Variants in KCNIP1 observed in about 807,000 individuals in gnomAD.
KCNIP1 encodes A-type potassium channel modulatory protein KCNIP1.
KCNIP1 carries 18 observed loss-of-function variants against 33.0 expected under a neutral mutation model. That is an observed-to-expected ratio of 0.55 (90% CI 0.38 to 0.81). The LOEUF (loss-of-function observed/expected upper bound fraction) is 0.81, where lower values mean the gene tolerates loss of function less well. KCNIP1 is among the 30% of genes least tolerant of loss of function. KCNIP1 has a pLI of 0.00. For missense variants in KCNIP1, 238 were observed against 271.6 expected (o/e 0.88, Z 0.87); for synonymous variants, 93 against 98.3 (o/e 0.95, Z 0.32).
At position 170,504,035 on chromosome 5, in the gene KCNIP1, C is replaced by CGCTGGCA. The variant is rs1581249178; in HGVS notation, c.-535_-529dup. On this transcript the variant is annotated 5_prime_UTR_variant, in exon 1 of 8. Transcript: ENST00000328939. This position sits in a 1 kb window ranked among gnomAD's most constrained non-coding sequence, Gnocchi z 6.0. ...CCGCCGCTCCGACTCTCGCCCCGAG[C>CGCTGGCA]GCTGGCAGCAGGCAGCAGGCAGCAG... The CGCTGGCA allele has an allele frequency of 1.0e-6, 1 of 982,968 alleles. No individual in the cohort carries two copies. Among genetic ancestry groups the CGCTGGCA allele is most frequent in the East Asian group, 1.1e-4 (1 of 8,784 alleles). 60.9% of individuals were successfully genotyped at this position (982,968 alleles called of 1,614,324 possible). A position where few individuals can be genotyped will look rare whatever the true frequency, so the allele number is the denominator to read the frequency against.
At chr5:170,682,665 A>G (rs1762388900) in intron 1 of KCNIP1, among the ~76,000 whole-genome samples, 1 of 152,056 alleles carries the variant, frequency 6.6e-6, no homozygotes, top group Non-Finnish European at 1.5e-5. Context: ...ATACCAACTG[A>G]GCAGAGCCCC....
chr5:170,676,060 G>GGAAGATGAAAGAAGGAAGGGAT (rs1762122014), intron 1 of KCNIP1, among the ~76,000 whole-genome samples: 1 of 143,998 alleles, frequency 6.9e-6, no homozygotes, highest in East Asian at 2.1e-4. Flanking sequence ...AAAGGAGGGA[G>GGAAGATGAAAGAAGGAAGGGAT]GAAGATGAAA....
chr5:170,583,108 T>C (rs1757859719), intron 1 of KCNIP1, among the ~76,000 whole-genome samples: 2 of 152,194 alleles, frequency 1.3e-5, no homozygotes, highest in Non-Finnish European at 2.9e-5. Flanking sequence ...CAGGGCATGC[T>C]GGGAGGCCGT....
chr5:170,589,718 GTGTGA>G (rs200076934), intron 1 of KCNIP1, among the ~76,000 whole-genome samples: 91 of 108,308 alleles, frequency 8.4e-4, no homozygotes, highest in Middle Eastern at 4.7e-3. Flanking sequence ...GTTTGGTGTG[GTGTGA>G]TGTGGTGTGG....
chr5:170,585,269 C>T (rs1434561861), intron 1 of KCNIP1, among the ~76,000 whole-genome samples: 1 of 152,144 alleles, frequency 6.6e-6, no homozygotes, highest in Non-Finnish European at 1.5e-5. Flanking sequence ...AAGCTGAGAA[C>T]TCCCTCATTT....
chr5:170,519,086 A>G (rs1318128315), intron 1 of KCNIP1, among the ~76,000 whole-genome samples: 3 of 152,204 alleles, frequency 2.0e-5, no homozygotes, highest in Non-Finnish European at 4.4e-5. Context: ...TCGCACCAGC[A>G]TTATAAGGTT....
At chr5:170,661,535 C>T (rs900834319) in intron 1 of KCNIP1, among the ~76,000 whole-genome samples, 1 of 152,082 alleles carries the variant, frequency 6.6e-6, no homozygotes, top group Non-Finnish European at 1.5e-5. Flanking sequence ...CTTAAGACCA[C>T]AAGCAGTGAG....
intron 1 of KCNIP1, among the ~76,000 whole-genome samples, chr5:170,529,982 G>A (rs1561670573): frequency 6.6e-6 from 1 of 152,050 alleles, no homozygotes; most frequent in African/African-American, 2.4e-5. Flanking sequence ...TTCCTTGAAT[G>A]CTCCTCCTCC....
chr5:170,518,368 GC>G (rs1329123532), intron 1 of KCNIP1, among the ~76,000 whole-genome samples: 1 of 152,194 alleles, frequency 6.6e-6, no homozygotes, highest in Non-Finnish European at 1.5e-5. Flanking sequence ...AGACAAATCA[GC>G]CCATGCCTTC....
At chr5:170,721,972 G>A (rs939176610) in intron 4 of KCNIP1, 69 bp downstream of exon 4, 2 of 1,560,970 alleles carry the variant, frequency 1.3e-6, no homozygotes, top group Non-Finnish European at 1.8e-6. Context: ...AAATCTCAAG[G>A]CATTGGGGGA....
At chr5:170,701,753 T>C (rs1763107546) in intron 1 of KCNIP1, among the ~76,000 whole-genome samples, 1 of 152,240 alleles carries the variant, frequency 6.6e-6, no homozygotes. Context: ...GCAGGGGTTC[T>C]TTTGATAGCA....
At chr5:170,445,487 T>C (rs565060502) in intron 1 of KCNIP1, among the ~76,000 whole-genome samples, 13 of 152,306 alleles carry the variant, frequency 8.5e-5, no homozygotes, top group African/African-American at 3.1e-4. Flanking sequence ...TACAAAGCAC[T>C]TTGCTGGTAT....
chr5:170,410,255 C>G (rs1249966676), intron 1 of KCNIP1, among the ~76,000 whole-genome samples: 1 of 151,674 alleles, frequency 6.6e-6, no homozygotes. Flanking sequence ...GGGTCCCCCA[C>G]ACAGGGGATC....
chr5:170,703,358 C>T (rs751872090), intron 1 of KCNIP1, among the ~76,000 whole-genome samples: 2 of 138,090 alleles, frequency 1.4e-5, no homozygotes, highest in South Asian at 2.7e-4. Context: ...GTGGGGACTG[C>T]GGTTTAATTG....
chr5:170,723,855 C>T (rs576520395), intron 5 of KCNIP1, among the ~76,000 whole-genome samples: 1 of 152,122 alleles, frequency 6.6e-6, no homozygotes, highest in African/African-American at 2.4e-5. Flanking sequence ...AAAAGTGTTC[C>T]AGGCAGAAGG....
intron 1 of KCNIP1, among the ~76,000 whole-genome samples, chr5:170,394,225 G>A (rs1035130714): frequency 7.9e-5 from 12 of 152,096 alleles, no homozygotes; most frequent in African/African-American, 2.7e-4. Context: ...CACTCTCCGC[G>A]CCTCCTGGGC....
intron 1 of KCNIP1, among the ~76,000 whole-genome samples, chr5:170,588,135 G>A (rs750624579): frequency 1.6e-4 from 25 of 152,188 alleles, no homozygotes; most frequent in Non-Finnish European, 3.4e-4. Context: ...GGATGCCTTA[G>A]AACTTAAAGT....
At chr5:170,538,391 C>A (rs915684768) in intron 1 of KCNIP1, among the ~76,000 whole-genome samples, 1 of 152,120 alleles carries the variant, frequency 6.6e-6, no homozygotes, top group Non-Finnish European at 1.5e-5. Flanking sequence ...TTCCCAACCC[C>A]CTTTCCAATG....
At chr5:170,597,387 CCT>C (rs1267633966) in intron 1 of KCNIP1, among the ~76,000 whole-genome samples, 1 of 152,134 alleles carries the variant, frequency 6.6e-6, no homozygotes, top group African/African-American at 2.4e-5. Flanking sequence ...CTAAGTGAAA[CCT>C]CTTCACTGAG....
Sources: allele counts gnomAD v4.1 joint callset (sites outside exome capture counted in the v4.1 genomes callset), GRCh38; gene constraint gnomAD v4.1.1; non-coding constraint Gnocchi (gnomAD v3.1); transcripts MANE v1.5; gene names NCBI Gene and HGNC (gene_info 2026-07-23, HGNC 2026-07-21).